TVP23A: variants seen among roughly 807,000 people sequenced by gnomAD.
The protein encoded by TVP23A is trans-golgi network vesicle protein 23 homolog A, also known as Golgi apparatus membrane protein TVP23 homolog A.
Under a neutral mutation model 31.7 loss-of-function variants are expected in TVP23A, and 21 were observed. The observed-to-expected ratio is 0.66, with a 90% CI of 0.47 to 0.95. TVP23A has a LOEUF of 0.95. Ranked by LOEUF, TVP23A falls within the 40% of genes least tolerant of loss-of-function variation. TVP23A has a pLI of 0.00. For missense variants in TVP23A, 279 were observed against 255.6 expected, an observed-to-expected ratio of 1.09 and a Z score of -0.62; for synonymous variants, 104 against 96.0, an observed-to-expected ratio of 1.08 and a Z score of -0.49.
intron 2 of TVP23A, chr16:10,800,413 G>C (rs960852114): frequency 1.3e-5 from 2 of 152,134 alleles, no homozygotes; most frequent in Non-Finnish European, 2.9e-5. Flanking sequence ...TGGAACCAGG[G>C]TGTGTCTACT....
At chr16:10,771,259 A>G (rs1264333492) in intron 6 of TVP23A, among the ~76,000 whole-genome samples, 1 of 152,210 alleles carries the variant, frequency 6.6e-6, no homozygotes, top group East Asian at 1.9e-4. Flanking sequence ...CAAAACTGCC[A>G]GGCACAGTGG....
chr16:10,786,912 C>G (rs16957655), intron 2 of TVP23A, among the ~76,000 whole-genome samples: 6,095 of 151,750 alleles, frequency 0.04, 386 homozygotes, highest in African/African-American at 0.14. Flanking sequence ...ATTCTGGGTA[C>G]CTAGATGGCC....
At chr16:10,808,659 C>A (rs2034054732) in intron 2 of TVP23A, 1 of 394,382 alleles carries the variant, frequency 2.5e-6, no homozygotes, top group African/African-American at 2.1e-5. Flanking sequence ...TGCTTGTATT[C>A]CCAGCTACTG....
chr16:10,759,870 G>A (rs1900824534), downstream of TVP23A, among the ~76,000 whole-genome samples: 1 of 152,362 alleles, frequency 6.6e-6, no homozygotes, highest in Admixed American at 6.5e-5. This position sits in a 1 kb window ranked among gnomAD's most constrained non-coding sequence, Gnocchi z 4.7. Flanking sequence ...AGTGTCAAGA[G>A]CCAAACAGGC....
intron 2 of TVP23A, among the ~76,000 whole-genome samples, chr16:10,814,212 C>T (rs999636428): frequency 8.5e-5 from 13 of 152,070 alleles, no homozygotes; most frequent in Admixed American, 3.9e-4. Flanking sequence ...TTAGGCACAC[C>T]GAGGATTCTG....
rs903315821 is a variant in TVP23A, at chr16:10,770,295, C to A, written c.619G>T (p.Gly207Trp). 3.4e-5 allele frequency: 52 copies of A among 1,550,816 alleles called. No homozygotes were observed. Among genetic ancestry groups the A allele is most frequent in the Non-Finnish European group, 4.5e-5 (52 of 1,146,834 alleles). Residue 207 changes from glycine to tryptophan, a missense_variant, in exon 7 of 8, where the codon GGG (glycine) becomes TGG (tryptophan). By Grantham distance (184) the Gly-to-Trp change is radical (BLOSUM62 -2). Coordinates refer to ENST00000299866, the MANE Select transcript of TVP23A (RefSeq NM_001079512.4). ...PGDFQKPGLE[G>W]LEIHQH ...ACCTAATGCTGGTGAATCTCCAGCC[C>A]CTCGAGGCCAGGCTTCTGAAAGTCA...
chr16:10,773,616 G>T (rs1246123707), intron 4 of TVP23A, among the ~76,000 whole-genome samples, 175 bp from the exon 5 acceptor site: 1 of 152,162 alleles, frequency 6.6e-6, no homozygotes, highest in Non-Finnish European at 1.5e-5. Flanking sequence ...TGTCACCCAG[G>T]CTGGAGTGCA....
intron 2 of TVP23A, among the ~76,000 whole-genome samples, chr16:10,775,736 T>C (rs1413997579): frequency 6.7e-6 from 1 of 148,824 alleles, no homozygotes; most frequent in Non-Finnish European, 1.5e-5. Context: ...CCTGTGTAAA[T>C]TGCTTTTCTT....
intron 2 of TVP23A, among the ~76,000 whole-genome samples, chr16:10,783,383 G>A (rs2032540387): frequency 6.6e-6 from 1 of 152,142 alleles, no homozygotes; most frequent in Non-Finnish European, 1.5e-5. Context: ...CAACTAAGAT[G>A]TCCTTCAATT....
intron 2 of TVP23A, chr16:10,775,377 C>T (rs1402661061): frequency 1.3e-5 from 16 of 1,212,316 alleles, no homozygotes; most frequent in Non-Finnish European, 1.5e-5. Flanking sequence ...CTTCGAAACA[C>T]GGTCATCTTT....
chr16:10,813,653 A>G (rs569294112), intron 2 of TVP23A, among the ~76,000 whole-genome samples: 2 of 152,280 alleles, frequency 1.3e-5, no homozygotes, highest in Non-Finnish European at 2.9e-5. Flanking sequence ...TGAAACTTAG[A>G]TAATAGTTTT....
intron 2 of TVP23A, among the ~76,000 whole-genome samples, chr16:10,801,607 C>A (rs184916198): frequency 1.3e-5 from 2 of 152,220 alleles, no homozygotes; most frequent in Admixed American, 6.5e-5. Context: ...GAAGCACATG[C>A]TACCATGCCT....
intron 2 of TVP23A, among the ~76,000 whole-genome samples, chr16:10,789,436 C>A (rs571184407): frequency 6.6e-6 from 1 of 152,168 alleles, no homozygotes; most frequent in African/African-American, 2.4e-5. Context: ...CATGACATAG[C>A]CTTCAGGAGA....
chr16:10,757,873 G>T (rs1161758303), downstream of TVP23A: 2 of 1,613,230 alleles, frequency 1.2e-6, no homozygotes, highest in Admixed American at 3.3e-5. The surrounding 1 kb of genome is among the most constrained non-coding windows in gnomAD (Gnocchi z 4.1). Context: ...CTCTTTCTAG[G>T]CATGATCAAG....
chr16:10,811,252 G>A (rs1203062247), intron 2 of TVP23A, among the ~76,000 whole-genome samples: 1 of 152,082 alleles, frequency 6.6e-6, no homozygotes, highest in Non-Finnish European at 1.5e-5. Context: ...TTGGTGGAAT[G>A]TGAATTATAT....
At chr16:10,802,587 G>C (rs1360953019) in intron 2 of TVP23A, among the ~76,000 whole-genome samples, 2 of 152,024 alleles carry the variant, frequency 1.3e-5, no homozygotes, top group Non-Finnish European at 2.9e-5. Flanking sequence ...TCCAATTAGT[G>C]AATCTTGGTA....
At chr16:10,791,485 C>T (rs2033100326) in intron 2 of TVP23A, among the ~76,000 whole-genome samples, 1 of 152,164 alleles carries the variant, frequency 6.6e-6, no homozygotes, top group South Asian at 2.1e-4. Context: ...CAGACATAGA[C>T]AAGCAAGCTG....
chr16:10,781,041 T>C (rs974494118), intron 2 of TVP23A, among the ~76,000 whole-genome samples: 1 of 152,058 alleles, frequency 6.6e-6, no homozygotes, highest in African/African-American at 2.4e-5. Flanking sequence ...ACCCATTGTT[T>C]CAAGAAGAGG....
chr16:10,793,948 T>G (rs2033248493), intron 2 of TVP23A, among the ~76,000 whole-genome samples: 1 of 146,450 alleles, frequency 6.8e-6, no homozygotes, highest in Non-Finnish European at 1.5e-5. Flanking sequence ...TTTTCACAGT[T>G]CTGGAGGCTG....
Sources: allele counts gnomAD v4.1 joint callset (sites outside exome capture counted in the v4.1 genomes callset), GRCh38; gene constraint gnomAD v4.1.1; non-coding constraint Gnocchi (gnomAD v3.1); transcripts MANE v1.5; gene names NCBI Gene and HGNC (gene_info 2026-07-23, HGNC 2026-07-21).